The following IQCM variants were observed in gnomAD, a reference collection of about 807,000 sequenced individuals.
The protein encoded by IQCM is IQ motif containing M, also known as IQ domain-containing protein M.
A neutral mutation model predicts 57.6 loss-of-function variants in IQCM; 45 were observed. The observed-to-expected ratio is 0.78, with a 90% CI of 0.62 to 1.00. The LOEUF (loss-of-function observed/expected upper bound fraction) is 1.00, where lower values mean the gene tolerates loss of function less well. Ranked by LOEUF, IQCM falls within the 50% of genes least tolerant of loss-of-function variation. The probability of loss-of-function intolerance (pLI) is 0.00; values close to 1 mark genes in which losing one functional copy is unlikely to be tolerated. For synonymous variants in IQCM, 148 were observed against 158.9 expected, an observed-to-expected ratio of 0.93 and a Z score of 0.51; for missense variants, 468 against 511.6, an observed-to-expected ratio of 0.91 and a Z score of 0.82.
chr4:149,470,768 C>T (rs1290238088), intron 12 of IQCM, among the ~76,000 whole-genome samples: 1 of 152,136 alleles, frequency 6.6e-6, no homozygotes, highest in Admixed American at 6.5e-5. Flanking sequence ...AACAAACTGT[C>T]TCTCAGACCA....
intron 12 of IQCM, among the ~76,000 whole-genome samples, chr4:149,435,831 C>T (rs1735312780): frequency 6.6e-6 from 1 of 151,962 alleles, no homozygotes; most frequent in Admixed American, 6.6e-5. Context: ...TAAAATAGGG[C>T]TTACAGAATA....
chr4:149,697,421 TAA>T (rs561140913), intron 5 of IQCM, among the ~76,000 whole-genome samples: 1 of 151,050 alleles, frequency 6.6e-6, no homozygotes, highest in Non-Finnish European at 1.5e-5. Context: ...ATTTCAGAGT[TAA>T]AAAAAAAGAG....
intron 13 of IQCM, among the ~76,000 whole-genome samples, chr4:149,399,332 A>G (rs17026187): frequency 0.018 from 2,705 of 152,116 alleles, 85 homozygotes; most frequent in African/African-American, 0.063. Context: ...AACTACAGAT[A>G]ATACAACAAA....
chr4:149,560,748 A>C (rs1750043791), intron 10 of IQCM, among the ~76,000 whole-genome samples: 1 of 152,202 alleles, frequency 6.6e-6, no homozygotes, highest in South Asian at 2.1e-4. Context: ...GGGAATGGAA[A>C]TTGTACAGTC....
intron 7 of IQCM, among the ~76,000 whole-genome samples, chr4:149,644,760 C>A (rs1361971265): frequency 6.6e-6 from 1 of 152,166 alleles, no homozygotes; most frequent in Admixed American, 6.5e-5. Context: ...GATGCTCAGG[C>A]CTCATTCCAG....
intron 12 of IQCM, among the ~76,000 whole-genome samples, chr4:149,475,264 G>C (rs114923689): frequency 0.014 from 2,134 of 152,236 alleles, 39 homozygotes; most frequent in Non-Finnish European, 0.02. Context: ...GATTAGATGT[G>C]AGGATGAGAG....
chr4:149,786,425 C>G (rs1413973350), intron 2 of IQCM, among the ~76,000 whole-genome samples: 1 of 152,016 alleles, frequency 6.6e-6, no homozygotes, highest in Non-Finnish European at 1.5e-5. Flanking sequence ...GGAAACTACC[C>G]AAGACCAAGA....
At chr4:149,468,225 G>A (rs1739083208) in intron 12 of IQCM, among the ~76,000 whole-genome samples, 1 of 152,170 alleles carries the variant, frequency 6.6e-6, no homozygotes, top group Non-Finnish European at 1.5e-5. Flanking sequence ...CCCTTTCCTA[G>A]CAAAGGGAAG....
intron 7 of IQCM, among the ~76,000 whole-genome samples, chr4:149,681,206 C>T (rs12649086): frequency 6.6e-6 from 1 of 151,162 alleles, no homozygotes; most frequent in East Asian, 1.9e-4. Context: ...AAATATTTGC[C>T]TACATTTACT....
At chr4:149,666,928 C>T (rs1760783176) in intron 7 of IQCM, among the ~76,000 whole-genome samples, 2 of 152,142 alleles carry the variant, frequency 1.3e-5, no homozygotes, top group Admixed American at 1.3e-4. Flanking sequence ...CAGCACCAGT[C>T]AGGGTCTTAA....
intron 2 of IQCM, among the ~76,000 whole-genome samples, chr4:149,776,834 T>G (rs1771134600): frequency 6.6e-6 from 1 of 151,994 alleles, no homozygotes; most frequent in Non-Finnish European, 1.5e-5. Context: ...ACATAGAACA[T>G]TCAAGAGTCT....
At chr4:149,794,769 C>T (rs2150036681) in intron 2 of IQCM, among the ~76,000 whole-genome samples, 1 of 152,094 alleles carries the variant, frequency 6.6e-6, no homozygotes, top group African/African-American at 2.4e-5. Context: ...AAGAAACTCA[C>T]ACAATAAAAA....
chr4:149,409,784 G>A (rs749735258), intron 13 of IQCM, among the ~76,000 whole-genome samples: 1 of 152,168 alleles, frequency 6.6e-6, no homozygotes, highest in Non-Finnish European at 1.5e-5. Context: ...TAGTGAAGCA[G>A]TAGCACAGAG....
At chr4:149,414,339 C>T (rs763967041) in intron 13 of IQCM, among the ~76,000 whole-genome samples, 4 of 152,088 alleles carry the variant, frequency 2.6e-5, no homozygotes, top group Non-Finnish European at 5.9e-5. Flanking sequence ...AAAACCGATG[C>T]CTCAAATTAC....
chr4:149,813,223 T>C (rs762435634), intron 2 of IQCM, among the ~76,000 whole-genome samples: 9 of 152,138 alleles, frequency 5.9e-5, no homozygotes, highest in Non-Finnish European at 1.3e-4. Context: ...GACCCTGCTG[T>C]ACTATTAGCT....
At chr4:149,444,295 T>C (rs1736274384) in intron 12 of IQCM, among the ~76,000 whole-genome samples, 1 of 151,934 alleles carries the variant, frequency 6.6e-6, no homozygotes. Flanking sequence ...AATTTGTCAG[T>C]TTAAGCTGAT....
At chr4:149,416,245 C>A (rs187386314) in intron 13 of IQCM, among the ~76,000 whole-genome samples, 3 of 151,894 alleles carry the variant, frequency 2.0e-5, no homozygotes, top group African/African-American at 7.3e-5. Context: ...CCCCATGGAG[C>A]CTTAAAAATA....
At chr4:149,369,469 G>C (rs1409310950) in intron 13 of IQCM, among the ~76,000 whole-genome samples, 2 of 152,054 alleles carry the variant, frequency 1.3e-5, no homozygotes, top group Non-Finnish European at 2.9e-5. Context: ...GTGTACAAAT[G>C]CATTTTACCC....
rs1034744976 is a variant in IQCM, at chr4:149,802,194, G to A, written c.-49+13117C>T. ...TCATGCAAAACTAGTCCCCTAGGAT[G>A]AGCCTTTTAAAAATGTTCTGCAGTC... On this transcript the variant is annotated intron_variant, in intron 2 of 13. Transcript: ENST00000636793. Among the ~76,000 whole-genome samples the A allele has an allele frequency of 2.6e-5, 4 of 151,392 alleles. No individual in the cohort carries two copies. The East Asian group carries it at 7.7e-4, about 29-fold the overall frequency.
Sources: gnomAD v4.1 joint callset for allele counts (sites outside exome capture counted in the v4.1 genomes callset) on GRCh38, gnomAD v4.1.1 for gene constraint, MANE v1.5 for transcripts, NCBI Gene and HGNC (gene_info 2026-07-23, HGNC 2026-07-21) for gene names.